The following SLC35D4 variants were observed in gnomAD, a reference collection of about 807,000 sequenced individuals.
SLC35D4 encodes solute carrier family 35 member D4.
chr18:23,314,026 C>T, the SLC35D4 span, among the ~76,000 whole-genome samples: 1 of 152,222 alleles, frequency 6.6e-6, no homozygotes, highest in Non-Finnish European at 1.5e-5. Context: ...TGAGTACTGA[C>T]CATTGCCTGG....
At chr18:23,257,298 G>C in the SLC35D4 span, 1 of 1,613,974 alleles carries the variant, frequency 6.2e-7, no homozygotes, top group Non-Finnish European at 8.5e-7. Flanking sequence ...TAGTGGCCTT[G>C]GAATTCGCCC....
chr18:23,369,664 C>T, the SLC35D4 span, among the ~76,000 whole-genome samples: 4 of 152,186 alleles, frequency 2.6e-5, no homozygotes. Flanking sequence ...GAGATTGAGA[C>T]TTCCATGCCT....
At chr18:23,309,228 TTGTGTG>T in the SLC35D4 span, among the ~76,000 whole-genome samples, 86,134 of 145,532 alleles carry the variant, frequency 0.59, 25,660 homozygotes, top group African/African-American at 0.72. Context: ...AAAGGGCTGA[TTGTGTG>T]TGTGTGTGTG....
the SLC35D4 span, among the ~76,000 whole-genome samples, chr18:23,369,705 C>T: frequency 1.7e-4 from 26 of 152,156 alleles, no homozygotes; most frequent in Non-Finnish European, 3.2e-4. Context: ...AGACATGTTC[C>T]AGGTGTTGGT....
chr18:23,246,671 T>A, the SLC35D4 span, among the ~76,000 whole-genome samples: 12 of 151,578 alleles, frequency 7.9e-5, no homozygotes, highest in Non-Finnish European at 8.8e-5. Flanking sequence ...GATTATATGC[T>A]TGAGCCACCG....
the SLC35D4 span, among the ~76,000 whole-genome samples, chr18:23,262,077 T>C: frequency 6.6e-6 from 1 of 152,150 alleles, no homozygotes; most frequent in Non-Finnish European, 1.5e-5. Flanking sequence ...TTCCTCCGTA[T>C]TAGCATAGGA....
At chr18:23,361,121 A>AAAAAG in the SLC35D4 span, among the ~76,000 whole-genome samples, 1 of 145,064 alleles carries the variant, frequency 6.9e-6, no homozygotes, top group African/African-American at 2.7e-5. Context: ...AAAAAAAAAA[A>AAAAAG]AAAAGAAAAA....
the SLC35D4 span, among the ~76,000 whole-genome samples, chr18:23,304,438 A>T: frequency 6.8e-5 from 10 of 147,914 alleles, no homozygotes; most frequent in African/African-American, 2.5e-4. Context: ...TAATATAATA[A>T]AATATATATA....
chr18:23,407,335 G>A, the SLC35D4 span, among the ~76,000 whole-genome samples: 1 of 151,974 alleles, frequency 6.6e-6, no homozygotes, highest in Non-Finnish European at 1.5e-5. Context: ...TCACTACAAG[G>A]ACAGAAACCA....
chr18:23,274,421 C>G, the SLC35D4 span, among the ~76,000 whole-genome samples: 1 of 152,212 alleles, frequency 6.6e-6, no homozygotes, highest in Non-Finnish European at 1.5e-5. Context: ...ATCAGCTTTG[C>G]CACAGAATGA....
At chr18:23,310,745 C>T in the SLC35D4 span, among the ~76,000 whole-genome samples, 2 of 152,004 alleles carry the variant, frequency 1.3e-5, no homozygotes, top group African/African-American at 4.8e-5. Flanking sequence ...TTATGAACCT[C>T]ATCGTCACGC....
At chr18:23,315,737 G>A in the SLC35D4 span, among the ~76,000 whole-genome samples, 1 of 152,166 alleles carries the variant, frequency 6.6e-6, no homozygotes, top group South Asian at 2.1e-4. Flanking sequence ...GAGCCTCACA[G>A]AGCGGATCTA....
the SLC35D4 span, among the ~76,000 whole-genome samples, chr18:23,381,562 G>A: frequency 6.6e-6 from 1 of 152,016 alleles, no homozygotes; most frequent in Non-Finnish European, 1.5e-5. Context: ...GGAAAGAAAG[G>A]TTTGTTTTAA....
the SLC35D4 span, among the ~76,000 whole-genome samples, chr18:23,416,075 G>A: frequency 6.6e-6 from 1 of 152,154 alleles, no homozygotes; most frequent in South Asian, 2.1e-4. Flanking sequence ...ACTGGGCATG[G>A]TGGTAGGTGC....
At chr18:23,376,837 C>T in the SLC35D4 span, 1 of 456,716 alleles carries the variant, frequency 2.2e-6, no homozygotes, top group Non-Finnish European at 4.4e-6. Context: ...CTGATTACAT[C>T]AGGTATCATG....
At chr18:23,368,093 C>T in the SLC35D4 span, among the ~76,000 whole-genome samples, 1 of 152,158 alleles carries the variant, frequency 6.6e-6, no homozygotes, top group Non-Finnish European at 1.5e-5. Context: ...AACAAATACA[C>T]CTTCAGAATA....
chr18:23,372,244 G>A, the SLC35D4 span, among the ~76,000 whole-genome samples: 9 of 152,040 alleles, frequency 5.9e-5, no homozygotes, highest in Non-Finnish European at 1.2e-4. Flanking sequence ...CCCCTTATTT[G>A]TTTATGTGTC....
the SLC35D4 span, among the ~76,000 whole-genome samples, chr18:23,340,718 C>T: frequency 3.9e-5 from 6 of 152,192 alleles, no homozygotes; most frequent in Non-Finnish European, 8.8e-5. Context: ...GTAGCAATTA[C>T]GGCATCAGCT....
the SLC35D4 span, among the ~76,000 whole-genome samples, chr18:23,279,003 A>AC: frequency 7.0e-6 from 1 of 143,058 alleles, no homozygotes; most frequent in Non-Finnish European, 1.5e-5. Flanking sequence ...ACAGAGCAAG[A>AC]CCCCATCTCA....
Sources: gnomAD v4.1 joint callset for allele counts (sites outside exome capture counted in the v4.1 genomes callset) on GRCh38, gnomAD v4.1.1 for gene constraint, MANE v1.5 for transcripts, NCBI Gene and HGNC (gene_info 2026-07-23, HGNC 2026-07-21) for gene names.